NFKB1: variants seen among roughly 807,000 people sequenced by gnomAD.
The protein encoded by NFKB1 is nuclear factor NF-kappa-B p105 subunit.
In NFKB1, 9 loss-of-function variants were observed where a neutral mutation model predicts 105.1. The ratio of observed to expected loss-of-function variants is 0.09; its 90% confidence interval spans 0.05 to 0.15. The LOEUF is 0.15. Ranked by LOEUF, NFKB1 falls within the 10% of genes least tolerant of loss-of-function variation. The pLI is 1.00. For synonymous variants in NFKB1, 440 were observed against 442.2 expected (o/e 1.00, Z 0.06); for missense variants, 830 against 1,203.7 (o/e 0.69, Z 4.59).
At chr4:102,611,098 CT>C (rs1728369421) in intron 20 of NFKB1, among the ~76,000 whole-genome samples, 1 of 152,154 alleles carries the variant, frequency 6.6e-6, no homozygotes, top group South Asian at 2.1e-4. Context: ...AAGAATTCTT[CT>C]TAGAATTTCA....
At chr4:102,566,336 T>C (rs895510336) in intron 5 of NFKB1, among the ~76,000 whole-genome samples, 2 of 152,222 alleles carry the variant, frequency 1.3e-5, no homozygotes, top group Non-Finnish European at 2.9e-5. Flanking sequence ...AGGAGTACAC[T>C]TTTTTGAATT....
At chr4:102,584,880 G>GT (rs1248310534) in intron 11 of NFKB1, 60 bp downstream of exon 11, 1 of 1,402,506 alleles carries the variant, frequency 7.1e-7, no homozygotes, top group Non-Finnish European at 9.6e-7. Flanking sequence ...TTTGGTTTTT[G>GT]TTTTGTTTTG....
chr4:102,614,373 C>T (rs1728738653), intron 23 of NFKB1, among the ~76,000 whole-genome samples: 1 of 152,148 alleles, frequency 6.6e-6, no homozygotes, highest in African/African-American at 2.4e-5. Flanking sequence ...GCCGTTCCTC[C>T]TCCCCACTCT....
chr4:102,610,087 G>A (rs1458111036), intron 19 of NFKB1, among the ~76,000 whole-genome samples: 1 of 152,186 alleles, frequency 6.6e-6, no homozygotes, highest in Non-Finnish European at 1.5e-5. Context: ...TGGCATTGCT[G>A]TACCCAGCAA....
intron 3 of NFKB1, among the ~76,000 whole-genome samples, chr4:102,533,013 C>T (rs1036069114): frequency 1.3e-5 from 2 of 152,112 alleles, no homozygotes; most frequent in African/African-American, 4.8e-5. Flanking sequence ...ATGGATTAAG[C>T]CTCTAGTTTT....
intron 5 of NFKB1, among the ~76,000 whole-genome samples, chr4:102,545,063 C>T (rs546503280): frequency 1.3e-5 from 2 of 152,110 alleles, no homozygotes; most frequent in Admixed American, 6.6e-5. Context: ...GGAGTCTTGA[C>T]CTCATAAAGT....
chr4:102,525,014 T>C (rs1476280286), intron 1 of NFKB1, among the ~76,000 whole-genome samples: 2 of 152,140 alleles, frequency 1.3e-5, no homozygotes, highest in African/African-American at 4.8e-5. Flanking sequence ...ACTATAGCAG[T>C]CCTCCCCTTG....
intron 16 of NFKB1, among the ~76,000 whole-genome samples, chr4:102,603,391 T>A (rs952981295): frequency 8.6e-5 from 13 of 151,134 alleles, no homozygotes; most frequent in Non-Finnish European, 1.8e-4. Flanking sequence ...ATTTTTTTTT[T>A]ATATCCTAAA....
At chr4:102,525,424 G>A (rs756049278) in intron 1 of NFKB1, 88 bp from the exon 2 acceptor site, 43 of 1,300,252 alleles carry the variant, frequency 3.3e-5, no homozygotes, top group Non-Finnish European at 4.4e-5. Flanking sequence ...GTATAATACA[G>A]TTTATTCCTG....
At position 102,567,147 on chromosome 4, in the gene NFKB1, T is replaced by C; in HGVS notation, c.407+12T>C. 6.2e-7 allele frequency: 1 copy of C among 1,612,022 alleles called. No individual in the cohort carries two copies. Among genetic ancestry groups the C allele is most frequent in the Non-Finnish European group, 8.5e-7 (1 of 1,178,508 alleles). On this transcript the variant is annotated intron_variant, in intron 6 of 23. Transcript: ENST00000226574. Reference sequence around the variant, plus strand: ...GACATGGTGGTCGGGTAAGTAGGGGTATATGATGCTGTGGAAGGTAGGAAC... The same window carrying C: ...GACATGGTGGTCGGGTAAGTAGGGGCATATGATGCTGTGGAAGGTAGGAAC...
chr4:102,541,533 G>T (rs560217862), intron 5 of NFKB1, among the ~76,000 whole-genome samples: 2 of 152,124 alleles, frequency 1.3e-5, no homozygotes, highest in African/African-American at 4.8e-5. Context: ...GCTAATGTGG[G>T]AGTTCTATTG....
intron 2 of NFKB1, among the ~76,000 whole-genome samples, chr4:102,528,824 T>A (rs1405730566): frequency 1.3e-5 from 2 of 152,192 alleles, no homozygotes; most frequent in African/African-American, 4.8e-5. Context: ...CCCTAACACA[T>A]TACCACATAC....
At chr4:102,579,646 A>AAAAAT (rs1553934287) in intron 8 of NFKB1, among the ~76,000 whole-genome samples, 1 of 124,156 alleles carries the variant, frequency 8.1e-6, no homozygotes, top group African/African-American at 3.0e-5. Flanking sequence ...CAAAAAAAAA[A>AAAAAT]ATATATATAT....
rs1560665259 is a variant in NFKB1, at chr4:102,551,377, C to CTT, written c.258+13421_258+13422insTT. On this transcript the variant is annotated intron_variant, in intron 5 of 23. Transcript: ENST00000226574. Reference sequence around the variant, plus strand: ...GTGTGTGTGTGTGTGTGCGCGCGCGCATGTGTGTGTGTGTGTGTGTTGAGG... The same window carrying CTT: ...GTGTGTGTGTGTGTGTGCGCGCGCGCTTATGTGTGTGTGTGTGTGTGTTGAGG... 2.1e-5 allele frequency among the ~76,000 whole-genome samples: 3 copies of CTT among 143,486 alleles called. No individual in the cohort carries two copies. The East Asian group carries it at 5.9e-4, about 28-fold the overall frequency. 94.1% of individuals were successfully genotyped at this position (143,486 alleles called of 152,430 possible). A position where few individuals can be genotyped will look rare whatever the true frequency, so the allele number is the denominator to read the frequency against.
intron 23 of NFKB1, among the ~76,000 whole-genome samples, chr4:102,616,015 G>T (rs994577273): frequency 1.3e-5 from 2 of 152,208 alleles, no homozygotes; most frequent in Non-Finnish European, 2.9e-5. Flanking sequence ...GAGGCCCAGA[G>T]AGAGATCTCA....
At chr4:102,574,675 T>G (rs973959834) in intron 6 of NFKB1, among the ~76,000 whole-genome samples, 2 of 152,208 alleles carry the variant, frequency 1.3e-5, no homozygotes, top group African/African-American at 4.8e-5. Context: ...TTATTTCCCT[T>G]TTCTTAAAGA....
intron 1 of NFKB1, among the ~76,000 whole-genome samples, chr4:102,508,753 TCAAAG>T (rs1739591252): frequency 6.6e-6 from 1 of 152,132 alleles, no homozygotes; most frequent in African/African-American, 2.4e-5. Flanking sequence ...GAAAGATTGG[TCAAAG>T]CAAAGGATAA....
At chr4:102,543,334 A>G (rs1721870798) in intron 5 of NFKB1, among the ~76,000 whole-genome samples, 1 of 152,162 alleles carries the variant, frequency 6.6e-6, no homozygotes, top group Admixed American at 6.6e-5. Context: ...GGTCCACTCT[A>G]TGCAAAACCA....
intron 9 of NFKB1, 70 bp from the exon 10 acceptor site, chr4:102,582,796 A>G (rs981243824): frequency 2.4e-5 from 24 of 1,013,776 alleles, no homozygotes; most frequent in Admixed American, 3.9e-5. Context: ...AACCAGTTTT[A>G]TTTTTCAGCA....
Sources: gnomAD v4.1 joint callset for allele counts (sites outside exome capture counted in the v4.1 genomes callset) on GRCh38, gnomAD v4.1.1 for gene constraint, MANE v1.5 for transcripts, NCBI Gene and HGNC (gene_info 2026-07-23, HGNC 2026-07-21) for gene names.